ALMS1: variants seen among roughly 807,000 people sequenced by gnomAD.
The protein encoded by ALMS1 is centrosome-associated protein ALMS1.
In ALMS1, 271 loss-of-function variants were observed where a neutral mutation model predicts 352.2. The ratio of observed to expected loss-of-function variants is 0.77; its 90% CI spans 0.70 to 0.85. The LOEUF (loss-of-function observed/expected upper bound fraction) is 0.85, where lower values mean the gene tolerates loss of function less well. ALMS1 is among the 40% of genes least tolerant of loss of function. The pLI, the probability that ALMS1 is intolerant of heterozygous loss-of-function variation, is 0.00. For missense variants in ALMS1, 5,445 were observed against 4,870.7 expected, an observed-to-expected ratio of 1.12 and a Z score of -3.51; for synonymous variants, 1,865 against 1,761.2, an observed-to-expected ratio of 1.06 and a Z score of -1.48.
chr2:73,475,130 T>A (rs928630740), intron 9 of ALMS1, among the ~76,000 whole-genome samples: 1 of 152,158 alleles, frequency 6.6e-6, no homozygotes, highest in Non-Finnish European at 1.5e-5. Context: ...GATACTTTGT[T>A]TACTCATTAG....
chr2:73,571,383 G>A (rs1337054236), intron 15 of ALMS1, among the ~76,000 whole-genome samples: 1 of 152,162 alleles, frequency 6.6e-6, no homozygotes, highest in Non-Finnish European at 1.5e-5. Flanking sequence ...ACAAAATTCT[G>A]CAGATCTAAG....
intron 17 of ALMS1, 113 bp downstream of exon 17, chr2:73,599,634 C>T: frequency 7.7e-7 from 1 of 1,291,358 alleles, no homozygotes; most frequent in Non-Finnish European, 1.1e-6. Flanking sequence ...CTATATCCAA[C>T]TGCCAATTTT....
chr2:73,528,567 C>T (rs527852652), intron 11 of ALMS1, among the ~76,000 whole-genome samples: 12 of 152,030 alleles, frequency 7.9e-5, no homozygotes, highest in African/African-American at 1.7e-4. Context: ...TTTCTATTTG[C>T]GTGGGATATC....
intron 21 of ALMS1, chr2:73,603,875 AAAG>A (rs1385186851): frequency 1.3e-5 from 2 of 153,740 alleles, no homozygotes; most frequent in African/African-American, 2.4e-5. Context: ...AATTAAAAAA[AAAG>A]ATTATTTTGA....
In ALMS1 at chr2:73,452,443, A is replaced by G; in HGVS notation, c.5916A>G (p.Ile1972Met). Residue 1972 changes from isoleucine to methionine, a missense_variant, in exon 8 of 23, where the codon ATA becomes ATG. By Grantham distance (10) the Ile-to-Met change is conservative (BLOSUM62 1). Transcript: ENST00000613296. ...EEALKVSPVS[I>M]PAEQKTGIPI... ...CTCTGAAAGTTTCACCTGTTTCTAT[A>G]CCAGCAGAGCAGAAGACTGGGATAC... is the stretch of plus-strand genomic sequence containing the variant. The G allele has an allele frequency of 6.2e-7, 1 of 1,613,978 alleles. No individual in the cohort carries two copies. The highest frequency in any genetic ancestry group is 1.1e-5 in the South Asian group (1 of 91,068).
At chr2:73,445,310 C>T (rs1482884716) in intron 7 of ALMS1, among the ~76,000 whole-genome samples, 2 of 151,842 alleles carry the variant, frequency 1.3e-5, no homozygotes, top group Non-Finnish European at 2.9e-5. Flanking sequence ...CTGTAGTCAC[C>T]GTATTGTACT....
intron 7 of ALMS1, among the ~76,000 whole-genome samples, chr2:73,444,151 C>T (rs1051817721): frequency 6.6e-6 from 1 of 152,160 alleles, no homozygotes; most frequent in East Asian, 1.9e-4. Flanking sequence ...AGGGAACCTG[C>T]GTGTGGCTCA....
chr2:73,604,967 A>C (rs566744385), intron 21 of ALMS1, among the ~76,000 whole-genome samples: 13 of 152,322 alleles, frequency 8.5e-5, no homozygotes, highest in African/African-American at 2.9e-4. Flanking sequence ...AAATGGAGGT[A>C]CACGGGAAGC....
At chr2:73,428,623 A>G (rs1046635965) in intron 6 of ALMS1, among the ~76,000 whole-genome samples, 2 of 152,244 alleles carry the variant, frequency 1.3e-5, no homozygotes, top group Non-Finnish European at 2.9e-5. Flanking sequence ...ACTAGCTTTG[A>G]CCACTGCTCC....
At chr2:73,562,993 AAAAAG>A (rs1378943883) in intron 15 of ALMS1, among the ~76,000 whole-genome samples, 4 of 152,058 alleles carry the variant, frequency 2.6e-5, no homozygotes, top group African/African-American at 9.6e-5. Flanking sequence ...AAAGGGAGGG[AAAAAG>A]AAAACAGTAA....
intron 15 of ALMS1, among the ~76,000 whole-genome samples, chr2:73,563,580 G>A (rs763535938): frequency 6.6e-5 from 10 of 151,852 alleles, no homozygotes; most frequent in Non-Finnish European, 1.2e-4. Context: ...AAAATTAGCC[G>A]GGCGTGGTGG....
At position 73,422,419 on chromosome 2, in the gene ALMS1, G is replaced by A. The variant is rs181530817; in HGVS notation, c.647-438G>A. 8.5e-5 allele frequency among the ~76,000 whole-genome samples: 13 copies of A among 152,238 alleles called. No individual in the cohort carries two copies. The East Asian group carries it at 2.1e-3, about 25-fold the overall frequency. ...TGTCTTAGGGCCCAGGAGCTCCTGTGCTATGCTTTGACATAACGGGTGTAG... is the reference window on the plus strand; with the variant it reads ...TGTCTTAGGGCCCAGGAGCTCCTGTACTATGCTTTGACATAACGGGTGTAG... On this transcript the variant is annotated intron_variant, in intron 3 of 22. Coordinates refer to ENST00000613296, the MANE Select transcript of ALMS1 (RefSeq NM_001378454.1).
intron 10 of ALMS1, among the ~76,000 whole-genome samples, chr2:73,501,197 A>AT (rs1444105708): frequency 2.0e-5 from 3 of 152,096 alleles, no homozygotes; most frequent in Non-Finnish European, 4.4e-5. Flanking sequence ...TATTATAGGA[A>AT]TTTTTATAAT....
At chr2:73,485,691 T>G (rs898712533) in intron 9 of ALMS1, among the ~76,000 whole-genome samples, 5 of 152,110 alleles carry the variant, frequency 3.3e-5, no homozygotes, top group Non-Finnish European at 5.9e-5. Flanking sequence ...CACCTTGCAG[T>G]TTGATCTCAG....
At chr2:73,429,435 C>G (rs1020366763) in intron 6 of ALMS1, among the ~76,000 whole-genome samples, 3 of 152,028 alleles carry the variant, frequency 2.0e-5, no homozygotes, top group African/African-American at 7.2e-5. Context: ...GTGCCTGCCA[C>G]TATGCCTGGC....
At chr2:73,560,089 G>A (rs1035681722) in intron 15 of ALMS1, among the ~76,000 whole-genome samples, 2 of 152,132 alleles carry the variant, frequency 1.3e-5, no homozygotes, top group Admixed American at 1.3e-4. Context: ...GTGTGAATAG[G>A]CATTCTACAG....
chr2:73,469,384 G>T (rs75844284), intron 9 of ALMS1: 1 of 151,858 alleles, frequency 6.6e-6, no homozygotes, highest in African/African-American at 2.4e-5. Flanking sequence ...GTTCTGACTA[G>T]CTAGAAGATG....
intron 16 of ALMS1, among the ~76,000 whole-genome samples, chr2:73,585,847 G>A (rs1227054149): frequency 2.0e-5 from 3 of 151,180 alleles, no homozygotes; most frequent in African/African-American, 7.3e-5. Context: ...TTCTGCCTCA[G>A]CCTCTGGAGT....
Position 73,455,232 on chromosome 2 carries a change from G to A in ALMS1, c.7611G>A (p.Arg2537=). The change falls in exon 9 of 23, where the codon AGG becomes AGA. Residue 2537 remains arginine (R), a synonymous_variant. Transcript: ENST00000613296. ...YSISELNEDD[R]RKVEEIKAEL... ...TTTCAGAATTAAATGAAGATGACAG[G>A]AGGAAAGTAGAAGAGATCAAGGCAG... The A allele has an allele frequency of 6.2e-7, 1 of 1,614,040 alleles. No homozygotes were observed. The highest frequency in any genetic ancestry group is 8.5e-7 in the Non-Finnish European group (1 of 1,179,958).
Sources: gnomAD v4.1 joint callset for allele counts (sites outside exome capture counted in the v4.1 genomes callset) on GRCh38, gnomAD v4.1.1 for gene constraint, MANE v1.5 for transcripts, NCBI Gene and HGNC (gene_info 2026-07-23, HGNC 2026-07-21) for gene names.